The following PAX2 variants were observed in gnomAD, a reference collection of about 807,000 sequenced individuals.
PAX2 encodes paired box 2.
A neutral mutation model predicts 41.7 loss-of-function variants in PAX2; 9 were observed. The observed-to-expected ratio is 0.22, with a 90% CI of 0.13 to 0.38. The LOEUF (loss-of-function observed/expected upper bound fraction) is 0.38, where lower values mean the gene tolerates loss of function less well. Ranked by LOEUF, PAX2 falls within the 10% of genes least tolerant of loss-of-function variation. The pLI is 1.00. For missense variants in PAX2, 418 were observed against 531.6 expected (o/e 0.79, Z 2.10); for synonymous variants, 221 against 212.7 (o/e 1.04, Z -0.34).
chr10:100,784,450 A>G (rs1846767141), intron 5 of PAX2, among the ~76,000 whole-genome samples: 1 of 152,206 alleles, frequency 6.6e-6, no homozygotes, highest in Non-Finnish European at 1.5e-5. Flanking sequence ...ACCCTGCCAG[A>G]CTGGCCCTCC....
chr10:100,780,593 T>C (rs770237373), intron 4 of PAX2, among the ~76,000 whole-genome samples: 1 of 152,156 alleles, frequency 6.6e-6, no homozygotes, highest in Non-Finnish European at 1.5e-5. Context: ...AGCGAATGGG[T>C]TCACTAATCT....
At chr10:100,792,597 G>A (rs577639324) in intron 5 of PAX2, among the ~76,000 whole-genome samples, 1 of 152,366 alleles carries the variant, frequency 6.6e-6, no homozygotes, top group South Asian at 2.1e-4. Flanking sequence ...GAGGGCAAAA[G>A]GATAGCGAAG....
Position 100,824,888 on chromosome 10 carries a change from C to T in PAX2, c.1021+139C>T. ...CCTGCAAACCACTGCTATTCTGTCC[C>T]TCTCTCTCCTTAGAGGCTGCAGTTG... On this transcript the variant is annotated intron_variant, in intron 8 of 9. Coordinates refer to ENST00000355243, the MANE Select transcript of PAX2 (RefSeq NM_000278.5). The surrounding 1 kb of genome is among the most constrained non-coding windows in gnomAD (Gnocchi z 6.6). 1 of 1,611,146 alleles carries T rather than the reference C, an allele frequency of 6.2e-7. No individual in the cohort carries two copies. The highest frequency in any genetic ancestry group is 8.5e-7 in the Non-Finnish European group (1 of 1,177,310).
At chr10:100,749,294 T>C (rs985122523) in intron 1 of PAX2, 33 of 999,074 alleles carry the variant, frequency 3.3e-5, no homozygotes, top group Non-Finnish European at 3.9e-5. Context: ...CCCCAAATCG[T>C]CCGCCTCCAA....
chr10:100,747,582 C>T (rs6421335), intron 1 of PAX2: 762,432 of 980,140 alleles, frequency 0.78, 297,255 homozygotes, highest in East Asian at 1. Context: ...ACTTTAGACC[C>T]GGCTTGGACC....
rs1416659493 is a variant in PAX2, at chr10:100,750,237, T to G, written c.212+323T>G. ...TACGGGGTGGGAGACATTAGAGGAA[T>G]GGGGGGGGAGTGAAAATGGGTCCCC... On this transcript the variant is annotated intron_variant, in intron 2 of 9. Transcript: ENST00000355243. This position sits in a 1 kb window ranked among gnomAD's most constrained non-coding sequence, Gnocchi z 4.1. Among the ~76,000 whole-genome samples, 2 of 150,198 alleles carry G rather than the reference T, an allele frequency of 1.3e-5. No homozygotes were observed. Among genetic ancestry groups the G allele is most frequent in the African/African-American group, 4.9e-5 (2 of 40,670 alleles).
In PAX2 at chr10:100,806,555, C is replaced by T; in HGVS notation, c.742C>T (p.Pro248Ser). 6.2e-7 allele frequency: 1 copy of T among 1,614,220 alleles called. No individual in the cohort carries two copies. Among genetic ancestry groups the T allele is most frequent in the Non-Finnish European group, 8.5e-7 (1 of 1,180,040 alleles). The change falls in exon 6 of 10, where the codon CCT becomes TCT. Residue 248 changes from proline (P) to serine (S), a missense_variant. Coordinates refer to ENST00000355243, the MANE Select transcript of PAX2 (RefSeq NM_000278.5). Reference sequence around the variant, plus strand: ...AGCTTTGGATCGGGTCTTTGAGCGTCCTTCCTACCCTGACGTCTTCCAGGC... The same window carrying T: ...AGCTTTGGATCGGGTCTTTGAGCGTTCTTCCTACCCTGACGTCTTCCAGGC... ...LEALDRVFER[P>S]SYPDVFQASE...
chr10:100,797,475 G>A (rs1158324986), intron 5 of PAX2, among the ~76,000 whole-genome samples: 2 of 152,188 alleles, frequency 1.3e-5, no homozygotes, highest in African/African-American at 4.8e-5. Flanking sequence ...GGACAATAAT[G>A]TTTAAGTTCT....
At chr10:100,818,192 T>C (rs1009626950) in intron 7 of PAX2, among the ~76,000 whole-genome samples, 47 of 152,342 alleles carry the variant, frequency 3.1e-4, no homozygotes, top group African/African-American at 1.1e-3. Flanking sequence ...GCAAAAGTGC[T>C]CATTTTCAGA....
At position 100,749,514 on chromosome 10, in the gene PAX2, C is replaced by T. The variant is rs1845352646; in HGVS notation, c.44-232C>T. Reference sequence around the variant, plus strand: ...CCCCCCTTTGCTTTCTACCTTGCGTCGCAAGGCCTGAGTCGCCCTCTCGCC... The same window carrying T: ...CCCCCCTTTGCTTTCTACCTTGCGTTGCAAGGCCTGAGTCGCCCTCTCGCC... On this transcript the variant is annotated intron_variant, in intron 1 of 9. Transcript: ENST00000355243. The T allele has an allele frequency of 9.7e-6, 13 of 1,336,940 alleles. No homozygotes were observed. In the South Asian group the frequency reaches 1.1e-4, roughly 12 times the overall value. The allele number at this position is 1,336,940 out of a possible 1,614,324, so 82.8% of individuals were successfully genotyped here.
intron 5 of PAX2, among the ~76,000 whole-genome samples, chr10:100,784,010 C>T (rs1484739492): frequency 1.3e-5 from 2 of 152,088 alleles, no homozygotes; most frequent in African/African-American, 4.8e-5. Context: ...TCTCCCTGAC[C>T]TCCCCCTCCA....
chr10:100,751,890 C>T (rs1845457150), intron 3 of PAX2, among the ~76,000 whole-genome samples: 1 of 152,088 alleles, frequency 6.6e-6, no homozygotes, highest in African/African-American at 2.4e-5. Context: ...TTTGAGACAC[C>T]CCAAAATGAA....
intron 3 of PAX2, among the ~76,000 whole-genome samples, chr10:100,771,660 G>A (rs1027793695): frequency 1.3e-5 from 2 of 152,172 alleles, no homozygotes; most frequent in South Asian, 2.1e-4. Flanking sequence ...AGGTTCTGCT[G>A]TGAAAAGTCT....
intron 1 of PAX2, chr10:100,749,156 G>GA: frequency 2.0e-6 from 2 of 985,894 alleles, no homozygotes; most frequent in Non-Finnish European, 2.4e-6. Flanking sequence ...GAAAGAGGTA[G>GA]AAAAATTCCG....
chr10:100,749,024 G>A, intron 1 of PAX2: 2 of 985,440 alleles, frequency 2.0e-6, no homozygotes, highest in Non-Finnish European at 2.4e-6. Context: ...AGCAGACCCC[G>A]GGCCCCTGCC....
intron 3 of PAX2, among the ~76,000 whole-genome samples, chr10:100,760,919 G>A (rs1845815942): frequency 1.3e-5 from 2 of 152,172 alleles, no homozygotes; most frequent in Admixed American, 1.3e-4. Flanking sequence ...TGACACTAGG[G>A]CAGGCAGCCT....
rs1002387628 is a variant in PAX2, at chr10:100,828,683, C to T, written c.*1064C>T. 4 of 233,302 alleles carry T rather than the reference C, an allele frequency of 1.7e-5. No individual in the cohort carries two copies. Among genetic ancestry groups the T allele is most frequent in the Admixed American group, 5.6e-5 (1 of 17,766 alleles). The allele number at this position is 233,302 out of a possible 1,614,324, so 14.5% of individuals were successfully genotyped here. On this transcript the variant is annotated 3_prime_UTR_variant, in exon 10 of 10. Transcript: ENST00000355243. This position sits in a 1 kb window ranked among gnomAD's most constrained non-coding sequence, Gnocchi z 6.5. ...GTGGTAAGAACCGGTTCTGAGCTGG[C>T]GTCTGAGCTGCTGCGGGGTGGAAGT... is the stretch of plus-strand genomic sequence containing the variant.
intron 5 of PAX2, among the ~76,000 whole-genome samples, chr10:100,783,218 A>G (rs917852900): frequency 8.5e-5 from 13 of 152,264 alleles, no homozygotes; most frequent in Non-Finnish European, 1.5e-4. Context: ...TTTCCTGGAC[A>G]TCAGTTTCAA....
chr10:100,749,484 C>G, intron 1 of PAX2: 1 of 1,310,420 alleles, frequency 7.6e-7, no homozygotes, highest in Non-Finnish European at 9.7e-7. Flanking sequence ...TGGTTTCTCT[C>G]CAGTCCCCCC....
Sources: allele counts gnomAD v4.1 joint callset (sites outside exome capture counted in the v4.1 genomes callset), GRCh38; gene constraint gnomAD v4.1.1; non-coding constraint Gnocchi (gnomAD v3.1); transcripts MANE v1.5; gene names NCBI Gene and HGNC (gene_info 2026-07-23, HGNC 2026-07-21).